CCDC66: variants seen among roughly 807,000 people sequenced by gnomAD.
CCDC66 encodes coiled-coil domain-containing protein 66.
CCDC66 carries 133 observed loss-of-function variants against 128.3 expected under a neutral mutation model. The ratio of observed to expected loss-of-function variants is 1.04; its 90% CI spans 0.90 to 1.20. The LOEUF is 1.20. Among genes scored for constraint, CCDC66 ranks in the 50% most tolerant of loss-of-function variants. The pLI, the probability that CCDC66 is intolerant of heterozygous loss-of-function variation, is 0.00. For synonymous variants in CCDC66, 387 were observed against 357.0 expected (o/e 1.08, Z -0.95); for missense variants, 1,126 against 1,075.5 (o/e 1.05, Z -0.66).
intron 10 of CCDC66, among the ~76,000 whole-genome samples, chr3:56,608,537 A>AT (rs1195037774): frequency 6.6e-6 from 1 of 152,004 alleles, no homozygotes; most frequent in Non-Finnish European, 1.5e-5. Flanking sequence ...TAATCTTGCT[A>AT]ATCTATCCAT....
At chr3:56,604,816 G>A (rs2073822667) in intron 10 of CCDC66, among the ~76,000 whole-genome samples, 1 of 151,996 alleles carries the variant, frequency 6.6e-6, no homozygotes, top group Non-Finnish European at 1.5e-5. Context: ...ATGTTGGCCT[G>A]TCTTGCTAGG....
Position 56,613,743 on chromosome 3 carries a change from A to G in CCDC66, c.1559A>G (p.Gln520Arg). Residue 520 changes from glutamine (Q) to arginine (R), a missense_variant, in exon 11 of 18, where the codon CAA becomes CGA. Gln to Arg is a conservative substitution (Grantham distance 43). Transcript: ENST00000394672. The part of the protein sequence containing the change: ...QYEEDILKQK[Q>R]KEEIMTLKTN... ...GAAGAAGACATACTTAAGCAAAAAC[A>G]AAAGGAAGTAGGTACTTACATTCTA... 1 of 1,605,984 alleles carries G rather than the reference A, an allele frequency of 6.2e-7. No individual in the cohort carries two copies. The highest frequency in any genetic ancestry group is 8.5e-7 in the Non-Finnish European group (1 of 1,177,134).
intron 10 of CCDC66, among the ~76,000 whole-genome samples, chr3:56,603,832 G>C (rs1331054206): frequency 6.6e-6 from 1 of 151,962 alleles, no homozygotes; most frequent in Non-Finnish European, 1.5e-5. Context: ...TTCAAGTCCT[G>C]AATATCCTTG....
intron 1 of CCDC66, 79 bp downstream of exon 1, chr3:56,557,332 G>A (rs919222561): frequency 2.6e-6 from 4 of 1,513,734 alleles, no homozygotes; most frequent in Non-Finnish European, 3.6e-6. Context: ...TGTCTGGGTT[G>A]TCCCTTGGAG....
intron 7 of CCDC66, among the ~76,000 whole-genome samples, chr3:56,589,483 G>T (rs1333413664): frequency 6.6e-6 from 1 of 152,022 alleles, no homozygotes; most frequent in Admixed American, 6.6e-5. Context: ...ATACAAGAAA[G>T]AATAATAAAT....
Position 56,619,360 on chromosome 3 carries a change from A to G in CCDC66, c.2468A>G (p.Glu823Gly), listed in dbSNP as rs753326349. 1.2e-6 allele frequency: 2 copies of G among 1,613,470 alleles called. No homozygotes were observed. The highest frequency in any genetic ancestry group is 1.7e-6 in the Non-Finnish European group (2 of 1,179,446). ...LHLPLKNSSY[E>G]RENLISGSNQ... ...TTACCACTAAAAAACAGTAGCTATGAGAGAGAGAATTTGATCTCAGGAAGT... is the reference window on the plus strand; with the variant it reads ...TTACCACTAAAAAACAGTAGCTATGGGAGAGAGAATTTGATCTCAGGAAGT... The change falls in exon 16 of 18, where the codon GAG (glutamate) becomes GGG (glycine). Residue 823 changes from glutamate (E) to glycine (G), a missense_variant. Glu to Gly is a moderately conservative substitution (Grantham distance 98, BLOSUM62 -2). Coordinates refer to ENST00000394672, the MANE Select transcript of CCDC66 (RefSeq NM_001141947.3).
intron 3 of CCDC66, chr3:56,560,866 T>C (rs1559590720): frequency 2.2e-6 from 1 of 456,710 alleles, no homozygotes; most frequent in East Asian, 6.9e-5. Context: ...TTGCAGTGTC[T>C]TAAAGTCTTT....
At chr3:56,601,222 A>C (rs1377227275) in intron 10 of CCDC66, among the ~76,000 whole-genome samples, 1 of 152,116 alleles carries the variant, frequency 6.6e-6, no homozygotes, top group Non-Finnish European at 1.5e-5. Flanking sequence ...CCATTTATGA[A>C]GTAAGGAATC....
rs1346027163 is a variant in CCDC66 at position 56,558,929 on chromosome 3, A to G, written c.76+19A>G. The G allele has an allele frequency of 2.0e-6, 3 of 1,500,206 alleles. No homozygotes were observed. Among genetic ancestry groups the G allele is most frequent in the Non-Finnish European group, 2.7e-6 (3 of 1,112,816 alleles). 92.9% of individuals were successfully genotyped at this position (1,500,206 alleles called of 1,614,324 possible). ...CCATATGGTATGTTGTGTTACAGAA[A>G]TCTGAAATGTTAACTTTTAAATTCA... On this transcript the variant is annotated intron_variant, in intron 2 of 17. Transcript: ENST00000394672.
intron 7 of CCDC66, among the ~76,000 whole-genome samples, chr3:56,575,988 A>C (rs1002049178): frequency 1.3e-5 from 2 of 151,564 alleles, no homozygotes; most frequent in African/African-American, 4.8e-5. Flanking sequence ...CTTCTTTTTT[A>C]AGATTGTTTT....
intron 7 of CCDC66, among the ~76,000 whole-genome samples, chr3:56,582,205 C>T (rs1216526508): frequency 6.6e-6 from 1 of 151,932 alleles, no homozygotes; most frequent in African/African-American, 2.4e-5. Flanking sequence ...GCGTGGGACC[C>T]TCCAAGCCAG....
At position 56,578,195 on chromosome 3, in the gene CCDC66, G is replaced by A. The variant is rs1030832084; in HGVS notation, c.936+6893G>A. On this transcript the variant is annotated intron_variant, in intron 7 of 17. Coordinates refer to ENST00000394672, the MANE Select transcript of CCDC66 (RefSeq NM_001141947.3). ...TAGTAGCAGTTGTGAATGGGAGTTT[G>A]CTCATGATTTGGCTCTCTGTTCTTG... Among the ~76,000 whole-genome samples the A allele has an allele frequency of 2.6e-5, 4 of 151,734 alleles. No individual in the cohort carries two copies. In the East Asian group the frequency reaches 7.9e-4, roughly 30 times the overall value.
At chr3:56,604,960 G>C (rs2073852226) in intron 10 of CCDC66, among the ~76,000 whole-genome samples, 1 of 151,944 alleles carries the variant, frequency 6.6e-6, no homozygotes, top group Non-Finnish European at 1.5e-5. Flanking sequence ...TGGAGGCTGT[G>C]TTTGTTCTTT....
intron 13 of CCDC66, 191 bp downstream of exon 13, chr3:56,616,244 C>T (rs1009217740): frequency 8.5e-6 from 4 of 471,762 alleles, no homozygotes; most frequent in Non-Finnish European, 1.5e-5. Flanking sequence ...ACAGTTTAGT[C>T]TTTTTTGGTA....
intron 3 of CCDC66, chr3:56,563,438 A>G (rs956052249): frequency 5.7e-5 from 23 of 401,256 alleles, no homozygotes; most frequent in Admixed American, 1.6e-4. Context: ...ATCTAATGAC[A>G]TAAGATTCAA....
intron 17 of CCDC66, chr3:56,620,763 G>A (rs1004775390): frequency 3.3e-5 from 5 of 152,202 alleles, no homozygotes; most frequent in African/African-American, 1.2e-4. Flanking sequence ...GGAAGGAATA[G>A]GATGTACACA....
Position 56,619,488 on chromosome 3 carries a change from G to C in CCDC66, c.2596G>C (p.Gly866Arg). ...CCTTGATCCCGATGCACCATTGTCTGGGCCTTCAACCCAGGACCCTCAGTA... is the reference window on the plus strand; with the variant it reads ...CCTTGATCCCGATGCACCATTGTCTCGGCCTTCAACCCAGGACCCTCAGTA... ...YYLDPDAPLS[G>R]PSTQDPQYQN... The change falls in exon 16 of 18, where the codon GGG becomes CGG. Residue 866 changes from glycine to arginine, a missense_variant. Coordinates refer to ENST00000394672, the MANE Select transcript of CCDC66 (RefSeq NM_001141947.3). 6.2e-7 allele frequency: 1 copy of C among 1,613,802 alleles called. No individual in the cohort carries two copies. The highest frequency in any genetic ancestry group is 8.5e-7 in the Non-Finnish European group (1 of 1,179,924).
At chr3:56,607,984 C>G (rs1413673047) in intron 10 of CCDC66, among the ~76,000 whole-genome samples, 1 of 152,068 alleles carries the variant, frequency 6.6e-6, no homozygotes, top group African/African-American at 2.4e-5. Flanking sequence ...GTATGAAACC[C>G]ACTTGATCAT....
At chr3:56,584,649 G>A (rs1210426750) in intron 7 of CCDC66, among the ~76,000 whole-genome samples, 3 of 151,368 alleles carry the variant, frequency 2.0e-5, no homozygotes, top group Non-Finnish European at 4.4e-5. Context: ...CCCAGACGAT[G>A]GGCAGCCAGG....
Sources: allele counts gnomAD v4.1 joint callset (sites outside exome capture counted in the v4.1 genomes callset), GRCh38; gene constraint gnomAD v4.1.1; transcripts MANE v1.5; gene names NCBI Gene and HGNC (gene_info 2026-07-23, HGNC 2026-07-21).